The following DENND5B variants were observed in gnomAD, a reference collection of about 807,000 sequenced individuals.
DENND5B encodes the protein DENN domain containing 5B, also known as DENN domain-containing protein 5B.
In DENND5B, 34 loss-of-function variants were observed where a neutral mutation model predicts 140.6. The observed-to-expected ratio is 0.24, with a 90% CI of 0.18 to 0.32. DENND5B has a LOEUF of 0.32. DENND5B is among the 10% of genes least tolerant of loss of function. DENND5B has a pLI of 1.00. For synonymous variants in DENND5B, 551 were observed against 562.1 expected (o/e 0.98, Z 0.28); for missense variants, 1,142 against 1,560.2 (o/e 0.73, Z 4.52).
At chr12:31,464,449 C>G (rs532937384) in intron 3 of DENND5B, among the ~76,000 whole-genome samples, 1 of 152,338 alleles carries the variant, frequency 6.6e-6, no homozygotes, top group Admixed American at 6.5e-5. Context: ...ATTTCCATCC[C>G]AGGAATTATT....
chr12:31,439,979 A>G (rs935335795), intron 7 of DENND5B, among the ~76,000 whole-genome samples: 2 of 151,090 alleles, frequency 1.3e-5, no homozygotes, highest in Non-Finnish European at 2.9e-5. Context: ...CTGTTAAACT[A>G]ATAGTCTATC....
chr12:31,487,792 G>A (rs1024904028), intron 2 of DENND5B, among the ~76,000 whole-genome samples: 1 of 152,106 alleles, frequency 6.6e-6, no homozygotes, highest in Non-Finnish European at 1.5e-5. Context: ...TTGTAGAAGG[G>A]ATAATTTGAA....
chr12:31,472,037 C>T (rs552612668), intron 3 of DENND5B, among the ~76,000 whole-genome samples: 5 of 152,224 alleles, frequency 3.3e-5, no homozygotes, highest in Admixed American at 6.5e-5. Context: ...GATATTCACC[C>T]GCTGAATACA....
intron 1 of DENND5B, among the ~76,000 whole-genome samples, chr12:31,554,803 T>G (rs1392930728): frequency 6.6e-6 from 1 of 152,188 alleles, no homozygotes. Context: ...TTCACTTCAT[T>G]CATTTCGTCT....
chr12:31,414,628 T>G (rs939273808), intron 12 of DENND5B, among the ~76,000 whole-genome samples: 6 of 151,918 alleles, frequency 3.9e-5, no homozygotes, highest in African/African-American at 1.4e-4. Context: ...GAGGCCAGCC[T>G]GGGCAATTTA....
chr12:31,414,591 G>A (rs552774817), intron 12 of DENND5B, among the ~76,000 whole-genome samples: 51 of 151,918 alleles, frequency 3.4e-4, no homozygotes, highest in African/African-American at 1.2e-3. Context: ...AGGCCGAGGC[G>A]GGAGAATCAC....
chr12:31,480,627 G>T (rs1164562826), intron 2 of DENND5B, among the ~76,000 whole-genome samples: 4 of 152,130 alleles, frequency 2.6e-5, no homozygotes, highest in Non-Finnish European at 4.4e-5. Context: ...CTGTATCAAC[G>T]ACTTGAAGAC....
intron 4 of DENND5B, among the ~76,000 whole-genome samples, chr12:31,457,847 G>A (rs1439046192): frequency 2.0e-5 from 3 of 151,954 alleles, no homozygotes; most frequent in African/African-American, 7.3e-5. Flanking sequence ...CCGAGTAGCT[G>A]GGACTACAGG....
chr12:31,506,212 C>T (rs1045730778), intron 1 of DENND5B: 2 of 152,098 alleles, frequency 1.3e-5, no homozygotes, highest in Non-Finnish European at 2.9e-5. Flanking sequence ...AATATCTTTC[C>T]TCTTGATTAC....
At chr12:31,561,847 T>C (rs1592055405) in intron 1 of DENND5B, among the ~76,000 whole-genome samples, 1 of 152,334 alleles carries the variant, frequency 6.6e-6, no homozygotes, top group Non-Finnish European at 1.5e-5. Context: ...CCCTTTGTAA[T>C]AGATTCATCA....
intron 1 of DENND5B, among the ~76,000 whole-genome samples, chr12:31,582,142 T>C (rs1001001867): frequency 6.6e-6 from 1 of 152,238 alleles, no homozygotes; most frequent in Non-Finnish European, 1.5e-5. Flanking sequence ...TGACTATACA[T>C]GTGGTGTGTA....
Position 31,454,539 on chromosome 12 carries a change from G to A in DENND5B, c.1093-2063C>T, listed in dbSNP as rs566180603. Reference sequence around the variant, plus strand: ...GCTCACTGCAAACTCTGCCTCCTGGGTTCGAGCAATTGTCTGCCTCAGCCT... The same window carrying A: ...GCTCACTGCAAACTCTGCCTCCTGGATTCGAGCAATTGTCTGCCTCAGCCT... On this transcript the variant is annotated intron_variant, in intron 4 of 20. Transcript: ENST00000389082. Among the ~76,000 whole-genome samples, 7 of 152,084 alleles carry A rather than the reference G, an allele frequency of 4.6e-5. No homozygotes were observed. The South Asian group carries it at 1.5e-3, about 32-fold the overall frequency.
At chr12:31,464,781 G>T (rs1480371291) in intron 3 of DENND5B, among the ~76,000 whole-genome samples, 2 of 151,896 alleles carry the variant, frequency 1.3e-5, no homozygotes, top group Non-Finnish European at 2.9e-5. Flanking sequence ...GGCTGGTCTT[G>T]AACTCCTGAC....
chr12:31,393,448 G>C (rs553898212), intron 17 of DENND5B, among the ~76,000 whole-genome samples: 1 of 152,186 alleles, frequency 6.6e-6, no homozygotes, highest in East Asian at 1.9e-4. Context: ...ACTTTCCTGA[G>C]GGACAGGTTG....
intron 1 of DENND5B, among the ~76,000 whole-genome samples, chr12:31,577,950 C>T (rs1174920853): frequency 6.6e-6 from 1 of 151,498 alleles, no homozygotes; most frequent in African/African-American, 2.4e-5. Context: ...CATAGTGAAA[C>T]CCCATCTCTA....
At position 31,392,311 on chromosome 12, in the gene DENND5B, G is replaced by T; in HGVS notation, c.3422C>A (p.Ser1141Tyr). Reference sequence around the variant, plus strand: ...GACATTCTTGTGAAAGATGCGGGCAGATTTGAACCCATGGTGGAAAACTTG... The same window carrying T: ...GACATTCTTGTGAAAGATGCGGGCATATTTGAACCCATGGTGGAAAACTTG... ...LEQVFHHGFKSARIFHKNVFI... is the reference protein window; with the variant it reads ...LEQVFHHGFKYARIFHKNVFI... Residue 1141 changes from serine to tyrosine, a missense_variant, in exon 19 of 21, where the codon TCT (serine) becomes TAT (tyrosine). Coordinates refer to ENST00000389082, the MANE Select transcript of DENND5B (RefSeq NM_144973.4). 1.9e-6 allele frequency: 3 copies of T among 1,613,836 alleles called. No individual in the cohort carries two copies. Among genetic ancestry groups the T allele is most frequent in the Non-Finnish European group, 2.5e-6 (3 of 1,179,870 alleles).
intron 1 of DENND5B, chr12:31,499,708 C>T: frequency 7.2e-7 from 1 of 1,396,028 alleles, no homozygotes; most frequent in Non-Finnish European, 9.3e-7. Flanking sequence ...GCTTTATGAA[C>T]AAATAAAAAC....
chr12:31,403,896 CCAAAAA>C (rs1216741207), intron 14 of DENND5B, among the ~76,000 whole-genome samples: 6 of 81,606 alleles, frequency 7.4e-5, no homozygotes, highest in African/African-American at 1.5e-4. Flanking sequence ...AACTCCATCT[CCAAAAA>C]AAAAAAAAAA....
chr12:31,406,973 A>G (rs1942159705), intron 14 of DENND5B, among the ~76,000 whole-genome samples: 1 of 150,232 alleles, frequency 6.7e-6, no homozygotes, highest in South Asian at 2.1e-4. Context: ...TAATTTTTGT[A>G]TTTTTTGGTA....
Sources: allele counts gnomAD v4.1 joint callset (sites outside exome capture counted in the v4.1 genomes callset), GRCh38; gene constraint gnomAD v4.1.1; transcripts MANE v1.5; gene names NCBI Gene and HGNC (gene_info 2026-07-23, HGNC 2026-07-21).